MRPL48: variants seen among roughly 807,000 people sequenced by gnomAD.
The protein encoded by MRPL48 is large ribosomal subunit protein mL48.
In MRPL48, 16 loss-of-function variants were observed where a neutral mutation model predicts 32.9. That is an observed-to-expected ratio of 0.49 (90% CI 0.33 to 0.74). MRPL48 has a LOEUF of 0.74. MRPL48 is among the 30% of genes least tolerant of loss of function. MRPL48 has a pLI of 0.02. For synonymous variants in MRPL48, 94 were observed against 89.2 expected (o/e 1.05, Z -0.31); for missense variants, 206 against 245.3 (o/e 0.84, Z 1.07).
chr11:73,814,476 C>G (rs1238003311), intron 3 of MRPL48, among the ~76,000 whole-genome samples: 3 of 151,998 alleles, frequency 2.0e-5, no homozygotes, highest in Non-Finnish European at 4.4e-5. Context: ...CAGTGGATCA[C>G]CTGAGGTCAG....
At chr11:73,821,965 A>C (rs537290650) in intron 3 of MRPL48, among the ~76,000 whole-genome samples, 1 of 152,184 alleles carries the variant, frequency 6.6e-6, no homozygotes, top group East Asian at 1.9e-4. Context: ...TCTTATTTTG[A>C]GTCATAATAA....
intron 3 of MRPL48, among the ~76,000 whole-genome samples, chr11:73,819,046 A>G (rs931044832): frequency 6.6e-6 from 1 of 152,348 alleles, no homozygotes; most frequent in East Asian, 1.9e-4. Flanking sequence ...GACATGACAC[A>G]GGGGAAAAGA....
intron 3 of MRPL48, among the ~76,000 whole-genome samples, chr11:73,815,234 GGT>G (rs1665799024): frequency 6.6e-6 from 1 of 151,928 alleles, no homozygotes; most frequent in Non-Finnish European, 1.5e-5. Context: ...TGACCAACAT[GGT>G]GAAACCCCAT....
rs578061374 is a variant in MRPL48 at position 73,864,638 on chromosome 11, C to T, written c.*268C>T. On this transcript the variant is annotated 3_prime_UTR_variant, in exon 8 of 8. Coordinates refer to ENST00000310614, the MANE Select transcript of MRPL48 (RefSeq NM_016055.6). ...GTGTGTGTGAGAGAGAGAAATTGGC[C>T]CATCCTGTGGAGTATCTTTAAGAGA... The T allele has an allele frequency of 1.3e-5, 6 of 474,046 alleles. No individual in the cohort carries two copies. The South Asian group carries it at 1.9e-4, about 15-fold the overall frequency. 29.4% of individuals were successfully genotyped at this position (474,046 alleles called of 1,614,324 possible). A position where few individuals can be genotyped will look rare whatever the true frequency, so the allele number is the denominator to read the frequency against.
chr11:73,798,897 C>T (rs572269158), intron 1 of MRPL48, among the ~76,000 whole-genome samples: 7 of 150,790 alleles, frequency 4.6e-5, no homozygotes, highest in Non-Finnish European at 4.4e-5. Context: ...AAGCTGAGGC[C>T]GGAGAATCGC....
chr11:73,829,859 G>T (rs1352438277), intron 4 of MRPL48, among the ~76,000 whole-genome samples: 1 of 152,132 alleles, frequency 6.6e-6, no homozygotes, highest in Non-Finnish European at 1.5e-5. Context: ...CTGCCTCTCA[G>T]GCTCAAATGA....
chr11:73,794,330 G>T (rs531154289), intron 1 of MRPL48, among the ~76,000 whole-genome samples: 7 of 151,820 alleles, frequency 4.6e-5, no homozygotes, highest in African/African-American at 1.7e-4. Context: ...CTGAGGCAGC[G>T]GGATCTCCTG....
At chr11:73,846,439 C>T (rs1948288522) in intron 5 of MRPL48, among the ~76,000 whole-genome samples, 2 of 152,028 alleles carry the variant, frequency 1.3e-5, no homozygotes, top group South Asian at 2.1e-4. Flanking sequence ...CCAGGCTGGT[C>T]TCTAACTCCT....
chr11:73,792,078 G>A (rs2134924857), intron 1 of MRPL48, among the ~76,000 whole-genome samples: 1 of 152,314 alleles, frequency 6.6e-6, no homozygotes. Flanking sequence ...TTTTAGATGA[G>A]TGAGAAGCCC....
intron 5 of MRPL48, among the ~76,000 whole-genome samples, chr11:73,851,868 A>G (rs1948395813): frequency 6.6e-6 from 1 of 152,060 alleles, no homozygotes; most frequent in African/African-American, 2.4e-5. Flanking sequence ...TGAGCACTGC[A>G]TTAGACATTC....
intron 6 of MRPL48, chr11:73,860,283 T>C (rs1013098375): frequency 6.6e-5 from 17 of 257,106 alleles, no homozygotes; most frequent in Middle Eastern, 1.3e-3. Context: ...TGAAACTTGA[T>C]ACCCAGTTGT....
intron 3 of MRPL48, among the ~76,000 whole-genome samples, chr11:73,820,255 C>T (rs533445178): frequency 3.9e-5 from 6 of 152,276 alleles, no homozygotes; most frequent in South Asian, 2.1e-4. Flanking sequence ...GACAGAGTCT[C>T]GCTCTGTTGC....
intron 1 of MRPL48, among the ~76,000 whole-genome samples, chr11:73,790,451 C>T (rs1947130862): frequency 7.0e-6 from 1 of 143,284 alleles, no homozygotes; most frequent in South Asian, 2.3e-4. Flanking sequence ...GTGGCCCGAC[C>T]TCAGCTCACT....
intron 5 of MRPL48, chr11:73,851,184 C>T (rs1318313158): frequency 4.6e-6 from 2 of 437,416 alleles, no homozygotes; most frequent in East Asian, 1.4e-4. Flanking sequence ...CCTCCCAGTT[C>T]ACACCGCCAC....
At chr11:73,863,745 C>T (rs73541918) in intron 7 of MRPL48, among the ~76,000 whole-genome samples, 308 of 152,240 alleles carry the variant, frequency 2.0e-3, no homozygotes, top group Middle Eastern at 6.8e-3. Flanking sequence ...GAGTCTTAGC[C>T]TAAATACTGA....
intron 3 of MRPL48, among the ~76,000 whole-genome samples, chr11:73,818,213 C>T (rs770360601): frequency 6.6e-5 from 10 of 152,026 alleles, no homozygotes; most frequent in Non-Finnish European, 8.8e-5. Flanking sequence ...CCATCCACTC[C>T]GTGTGTGGGC....
At chr11:73,788,746 A>G (rs1306599212) in intron 1 of MRPL48, among the ~76,000 whole-genome samples, 1 of 152,064 alleles carries the variant, frequency 6.6e-6, no homozygotes, top group African/African-American at 2.4e-5. Flanking sequence ...TGCCGGGATT[A>G]CAGGCATGAG....
At chr11:73,824,150 G>A (rs530784874) in intron 3 of MRPL48, among the ~76,000 whole-genome samples, 2 of 151,956 alleles carry the variant, frequency 1.3e-5, no homozygotes, top group East Asian at 3.9e-4. Flanking sequence ...CACCGCACCT[G>A]GCCAAGACCC....
chr11:73,846,049 C>T lies in MRPL48; in HGVS notation c.371+1073C>T, dbSNP rs548361441. ...TGCCACTGCACTCCAGCGTGGGCAACAGAGCAAGACCCTGTCTCAAAAAAA... is the reference window on the plus strand; with the variant it reads ...TGCCACTGCACTCCAGCGTGGGCAATAGAGCAAGACCCTGTCTCAAAAAAA... On this transcript the variant is annotated intron_variant, in intron 5 of 7. Coordinates refer to ENST00000310614, the MANE Select transcript of MRPL48 (RefSeq NM_016055.6). Among the ~76,000 whole-genome samples the T allele has an allele frequency of 3.2e-3, 345 of 107,240 alleles. 2 individuals are homozygous for T. Among genetic ancestry groups the T allele is most frequent in the Admixed American group, 8.3e-3 (60 of 7,204 alleles). The allele number at this position is 107,240 out of a possible 152,430, so 70.4% of individuals were successfully genotyped here. A position where few individuals can be genotyped will look rare whatever the true frequency, so the allele number is the denominator to read the frequency against.
Sources: allele counts gnomAD v4.1 joint callset (sites outside exome capture counted in the v4.1 genomes callset), GRCh38; gene constraint gnomAD v4.1.1; transcripts MANE v1.5; gene names NCBI Gene and HGNC (gene_info 2026-07-23, HGNC 2026-07-21).